CDH13: variants seen among roughly 807,000 people sequenced by gnomAD.
CDH13 encodes the protein cadherin 13.
A neutral mutation model predicts 63.8 loss-of-function variants in CDH13; 24 were observed. That is an observed-to-expected ratio of 0.38 (90% confidence interval 0.27 to 0.53). The LOEUF is 0.53. Among genes scored for constraint, CDH13 ranks in the 20% least tolerant of loss-of-function variants. The pLI is 0.85. For synonymous variants in CDH13, 503 were observed against 355.3 expected (o/e 1.42, Z -4.67); for missense variants, 1,049 against 903.1 (o/e 1.16, Z -2.07).
intron 4 of CDH13, among the ~76,000 whole-genome samples, chr16:83,190,010 G>A (rs973089583): frequency 6.6e-6 from 1 of 152,136 alleles, no homozygotes; most frequent in Non-Finnish European, 1.5e-5. Flanking sequence ...GCATGATTGT[G>A]AGGCCTCCCC....
intron 7 of CDH13, among the ~76,000 whole-genome samples, chr16:83,513,534 G>C (rs983627408): frequency 6.6e-6 from 1 of 152,144 alleles, no homozygotes; most frequent in Non-Finnish European, 1.5e-5. Flanking sequence ...GGTTGGGAAG[G>C]CCTCAGGAGA....
intron 10 of CDH13, among the ~76,000 whole-genome samples, chr16:83,722,062 C>T (rs1909768632): frequency 1.3e-5 from 2 of 152,050 alleles, no homozygotes; most frequent in Admixed American, 1.3e-4. Context: ...AGCCCTGGAG[C>T]TTGTTAGGAA....
At chr16:83,734,041 C>T (rs969885273) in intron 10 of CDH13, among the ~76,000 whole-genome samples, 6 of 152,120 alleles carry the variant, frequency 3.9e-5, no homozygotes, top group African/African-American at 1.2e-4. Flanking sequence ...CCAGATTAAA[C>T]CCCAAAGCCT....
chr16:83,524,709 T>G (rs1425214519), intron 7 of CDH13, among the ~76,000 whole-genome samples: 3 of 151,954 alleles, frequency 2.0e-5, no homozygotes, highest in Admixed American at 6.6e-5. Context: ...GCCTCGGCCT[T>G]CCAAAGTGCT....
chr16:83,321,410 C>T (rs551645621), intron 5 of CDH13, among the ~76,000 whole-genome samples: 25 of 152,140 alleles, frequency 1.6e-4, no homozygotes, highest in Non-Finnish European at 2.4e-4. Context: ...TAAGTTGGCG[C>T]GGCCTCTATG....
chr16:83,025,984 C>T (rs982208376), intron 2 of CDH13, among the ~76,000 whole-genome samples: 4 of 152,162 alleles, frequency 2.6e-5, no homozygotes, highest in Non-Finnish European at 5.9e-5. Flanking sequence ...TTTAATGCTC[C>T]TTCAGCATTT....
intron 2 of CDH13, among the ~76,000 whole-genome samples, chr16:82,998,771 A>G (rs1163688894): frequency 6.6e-6 from 1 of 151,990 alleles, no homozygotes; most frequent in Non-Finnish European, 1.5e-5. Context: ...ATTAAATATA[A>G]TCTTAGGGGT....
intron 2 of CDH13, among the ~76,000 whole-genome samples, chr16:82,929,839 A>G (rs4584813): frequency 0.35 from 52,610 of 151,148 alleles, 10,019 homozygotes; most frequent in Non-Finnish European, 0.43. Context: ...CATCCCGAAG[A>G]GACCAAGAAA....
intron 10 of CDH13, among the ~76,000 whole-genome samples, chr16:83,692,524 C>G (rs988565940): frequency 6.6e-6 from 1 of 152,204 alleles, no homozygotes; most frequent in Non-Finnish European, 1.5e-5. Context: ...CCATTTAACT[C>G]TTTCATGCCC....
intron 1 of CDH13, among the ~76,000 whole-genome samples, chr16:82,697,499 G>A (rs905283548): frequency 7.6e-6 from 1 of 131,246 alleles, no homozygotes; most frequent in Non-Finnish European, 1.6e-5. Context: ...GCGTGATCTC[G>A]ACTCACTGCA....
chr16:82,716,977 C>T (rs904495245), intron 1 of CDH13, among the ~76,000 whole-genome samples: 1 of 152,016 alleles, frequency 6.6e-6, no homozygotes, highest in Non-Finnish European at 1.5e-5. Flanking sequence ...TTCCTTCGTC[C>T]AGACAGGAAG....
intron 3 of CDH13, among the ~76,000 whole-genome samples, chr16:83,109,516 A>G (rs898501066): frequency 2.0e-5 from 3 of 152,156 alleles, no homozygotes; most frequent in Admixed American, 1.3e-4. Flanking sequence ...CCCCTAATAA[A>G]TACCCACTGA....
At chr16:82,867,513 A>G (rs1474600113) in intron 2 of CDH13, among the ~76,000 whole-genome samples, 2 of 152,114 alleles carry the variant, frequency 1.3e-5, no homozygotes, top group Non-Finnish European at 2.9e-5. Context: ...CCTCTCTGTT[A>G]GTTTCTTTCA....
intron 2 of CDH13, among the ~76,000 whole-genome samples, chr16:82,888,989 T>C (rs34166187): frequency 0.37 from 56,643 of 151,560 alleles, 11,428 homozygotes; most frequent in East Asian, 0.79. Context: ...TTTCCTGAAC[T>C]AACAGTTTGC....
At chr16:83,462,008 C>G (rs2073194371) in intron 6 of CDH13, among the ~76,000 whole-genome samples, 1 of 152,252 alleles carries the variant, frequency 6.6e-6, no homozygotes. Flanking sequence ...ATGGCTCCAA[C>G]ATCCCTTCCA....
At chr16:83,202,321 G>C (rs1053735130) in intron 4 of CDH13, among the ~76,000 whole-genome samples, 3 of 152,164 alleles carry the variant, frequency 2.0e-5, no homozygotes, top group Non-Finnish European at 4.4e-5. Flanking sequence ...GACAAACTCA[G>C]CAAAAGTTGA....
At chr16:83,707,437 C>G (rs776216180) in intron 10 of CDH13, among the ~76,000 whole-genome samples, 14 of 152,324 alleles carry the variant, frequency 9.2e-5, no homozygotes, top group Middle Eastern at 3.4e-3. Flanking sequence ...AACCTATCTG[C>G]TCTCTGTGTA....
intron 7 of CDH13, among the ~76,000 whole-genome samples, chr16:83,548,323 G>A (rs1007979016): frequency 6.6e-6 from 1 of 152,118 alleles, no homozygotes; most frequent in African/African-American, 2.4e-5. Context: ...TTTGGTTGTT[G>A]CAACTGGCTG....
At chr16:83,059,813 T>A (rs1158708607) in intron 3 of CDH13, among the ~76,000 whole-genome samples, 1 of 135,832 alleles carries the variant, frequency 7.4e-6, no homozygotes, top group African/African-American at 2.8e-5. Flanking sequence ...TTTTTTTTTT[T>A]AGAAGGAGTC....
Sources: gnomAD v4.1 joint callset for allele counts (sites outside exome capture counted in the v4.1 genomes callset) on GRCh38, gnomAD v4.1.1 for gene constraint, MANE v1.5 for transcripts, NCBI Gene and HGNC (gene_info 2026-07-23, HGNC 2026-07-21) for gene names.